Variants in HORMAD1 observed in about 807,000 individuals in gnomAD.
The protein encoded by HORMAD1 is HORMA domain containing 1.
A neutral mutation model predicts 58.2 loss-of-function variants in HORMAD1; 33 were observed. The ratio of observed to expected loss-of-function variants is 0.57; its 90% CI spans 0.43 to 0.76. The LOEUF (loss-of-function observed/expected upper bound fraction) is 0.76, where lower values mean the gene tolerates loss of function less well. Among genes scored for constraint, HORMAD1 ranks in the 30% least tolerant of loss-of-function variants. The pLI is 0.00. For synonymous variants in HORMAD1, 137 were observed against 144.6 expected, an observed-to-expected ratio of 0.95 and a Z score of 0.38; for missense variants, 363 against 462.0, an observed-to-expected ratio of 0.79 and a Z score of 1.96.
chr1:150,708,888 C>T lies in HORMAD1; in HGVS notation c.395+6G>A, dbSNP rs1173249739. ...GTAATACAAACAGAAAACTATAGAA[C>T]AATACCTTATGAAGTCCATGAGTGG... is the stretch of plus-strand genomic sequence containing the variant. On this transcript the variant is annotated splice_donor_region_variant and intron_variant, in intron 8 of 14. Coordinates refer to ENST00000361824, the MANE Select transcript of HORMAD1 (RefSeq NM_032132.5). The T allele has an allele frequency of 7.3e-7, 1 of 1,375,842 alleles. No homozygotes were observed. Among genetic ancestry groups the T allele is most frequent in the South Asian group, 1.2e-5 (1 of 85,948 alleles). The allele number at this position is 1,375,842 out of a possible 1,614,324, so 85.2% of individuals were successfully genotyped here.
At position 150,714,105 on chromosome 1, in the gene HORMAD1, C is replaced by T; in HGVS notation, c.259G>A (p.Asp87Asn). Reference sequence around the variant, plus strand: ...CTTACATATTTTTTCTGTAAAGCATCATAACATCCTAGCATCCTAAAAAAA... The same window carrying T: ...CTTACATATTTTTTCTGTAAAGCATTATAACATCCTAGCATCCTAAAAAAA... Reference protein sequence around the residue: ...QLVKWMLGCYDALQKKYLRMV... With the variant: ...QLVKWMLGCYNALQKKYLRMV... Residue 87 changes from aspartate (D) to asparagine (N), a missense_variant, in exon 5 of 15, where the codon GAT (aspartate) becomes AAT (asparagine). By Grantham distance (23) the Asp-to-Asn change is conservative. Transcript: ENST00000361824. 6.5e-7 allele frequency: 1 copy of T among 1,531,130 alleles called. No homozygotes were observed. Among genetic ancestry groups the T allele is most frequent in the Non-Finnish European group, 9.0e-7 (1 of 1,116,266 alleles). 94.8% of individuals were successfully genotyped at this position (1,531,130 alleles called of 1,614,324 possible).
chr1:150,716,240 G>A (rs985941487), intron 3 of HORMAD1, among the ~76,000 whole-genome samples: 1 of 127,406 alleles, frequency 7.8e-6, no homozygotes, highest in African/African-American at 3.1e-5. Context: ...TCGGCTCACT[G>A]CAACCTCCGC....
intron 5 of HORMAD1, among the ~76,000 whole-genome samples, 166 bp from the exon 6 acceptor site, chr1:150,712,019 T>C (rs1344327053): frequency 6.6e-6 from 1 of 152,224 alleles, no homozygotes; most frequent in African/African-American, 2.4e-5. Context: ...GTACCTTAGA[T>C]ATGCTTCCCT....
chr1:150,720,650 T>C (rs955774307), intron 1 of HORMAD1, among the ~76,000 whole-genome samples, 154 bp downstream of exon 1: 1 of 152,248 alleles, frequency 6.6e-6, no homozygotes, highest in Non-Finnish European at 1.5e-5. Flanking sequence ...CAAGAACCTC[T>C]GTTGACAAGT....
chr1:150,708,445 C>T, intron 8 of HORMAD1, 38 bp from the exon 9 acceptor site: 5 of 1,366,212 alleles, frequency 3.7e-6, no homozygotes, highest in Non-Finnish European at 5.0e-6. Flanking sequence ...TTTATAAAAC[C>T]TGTGGCTTCT....
intron 3 of HORMAD1, 46 bp downstream of exon 3, chr1:150,717,092 A>G: frequency 7.8e-7 from 1 of 1,289,788 alleles, no homozygotes; most frequent in Non-Finnish European, 1.1e-6. Flanking sequence ...AAGCAAAAAT[A>G]AAAATACCAT....
chr1:150,708,389 T>C lies in HORMAD1; in HGVS notation c.414A>G (p.Glu138=). ...MDFISKNQSN[E]SSMLSTDTKK... is the part of the protein sequence containing the mutation. ...TGGTGTCAGTAGACAACATGCTAGA[T>C]TCGTTGCTTTGGTTTTTACTAGAAG... Residue 138 remains glutamate (E), a synonymous_variant, in exon 9 of 15, where the codon GAA becomes GAG. Transcript: ENST00000361824. 2.5e-6 allele frequency: 4 copies of C among 1,599,940 alleles called. No individual in the cohort carries two copies. In the African/African-American group the frequency reaches 5.4e-5, roughly 22 times the overall value.
At chr1:150,715,744 T>A (rs587677286) in intron 3 of HORMAD1, among the ~76,000 whole-genome samples, 1 of 151,998 alleles carries the variant, frequency 6.6e-6, no homozygotes, top group Non-Finnish European at 1.5e-5. Context: ...TGTATTATTT[T>A]TACTTCCTTA....
At chr1:150,711,965 A>G in intron 5 of HORMAD1, 112 bp from the exon 6 acceptor site, 1 of 734,658 alleles carries the variant, frequency 1.4e-6, no homozygotes, top group South Asian at 1.7e-5. Context: ...ATAACAAATA[A>G]TCATTGCAGA....
chr1:150,708,334 T>A lies in HORMAD1; in HGVS notation c.469A>T (p.Ile157Phe). 1 of 1,611,896 alleles carries A rather than the reference T, an allele frequency of 6.2e-7. No homozygotes were observed. Among genetic ancestry groups the A allele is most frequent in the Non-Finnish European group, 8.5e-7 (1 of 1,178,784 alleles). Reference protein sequence around the residue: ...KKASILLIRKIYILMQNLGPL... With the variant: ...KKASILLIRKFYILMQNLGPL... ...CCCAGATTTTGCATTAGGATATAAATCTTGCGAATGAGGAGAATGCTTGCT... is the reference window on the plus strand; with the variant it reads ...CCCAGATTTTGCATTAGGATATAAAACTTGCGAATGAGGAGAATGCTTGCT... The change falls in exon 9 of 15, where the codon ATT (isoleucine) becomes TTT (phenylalanine). Residue 157 changes from isoleucine to phenylalanine, a missense_variant. This residue lies in a region of HORMAD1 where 9 missense variants were observed against 32.4 expected (regional missense o/e 0.28). Coordinates refer to ENST00000361824, the MANE Select transcript of HORMAD1 (RefSeq NM_032132.5).
chr1:150,705,865 G>GT (rs1651677061), intron 10 of HORMAD1, among the ~76,000 whole-genome samples: 2 of 152,150 alleles, frequency 1.3e-5, no homozygotes, highest in Non-Finnish European at 2.9e-5. Flanking sequence ...TCATAATTTA[G>GT]AATAAATTGA....
chr1:150,714,563 A>G (rs1002860338), intron 4 of HORMAD1, 52 bp downstream of exon 4: 138 of 1,025,646 alleles, frequency 1.3e-4, no homozygotes, highest in Non-Finnish European at 1.9e-4. Flanking sequence ...GTACAAAAAA[A>G]AGTAAAATGA....
chr1:150,708,708 T>C (rs760271778), intron 8 of HORMAD1, among the ~76,000 whole-genome samples, 186 bp downstream of exon 8: 1 of 152,256 alleles, frequency 6.6e-6, no homozygotes, highest in Non-Finnish European at 1.5e-5. Flanking sequence ...TAAAATTGCT[T>C]ATTATTAGCC....
intron 5 of HORMAD1, 45 bp downstream of exon 5, chr1:150,714,040 T>G (rs1463164085): frequency 1.7e-6 from 2 of 1,194,220 alleles, no homozygotes; most frequent in South Asian, 2.6e-5. Flanking sequence ...TATTTGTAGA[T>G]CATAAACTGT....
intron 5 of HORMAD1, among the ~76,000 whole-genome samples, chr1:150,712,913 T>C (rs911973449): frequency 7.9e-5 from 12 of 152,330 alleles, no homozygotes; most frequent in African/African-American, 2.2e-4. Flanking sequence ...GGCTTTTCTT[T>C]GCACCTAAAA....
intron 10 of HORMAD1, 79 bp from the exon 11 acceptor site, chr1:150,704,422 A>G: frequency 1.1e-6 from 1 of 925,276 alleles, no homozygotes; most frequent in South Asian, 1.6e-5. Context: ...ATTTATGAAC[A>G]AATTTGTTTC....
chr1:150,715,056 A>T (rs1652027653), intron 3 of HORMAD1, among the ~76,000 whole-genome samples: 1 of 152,164 alleles, frequency 6.6e-6, no homozygotes, highest in Non-Finnish European at 1.5e-5. Flanking sequence ...AAGTGCTGGG[A>T]TTACAGGCGT....
Position 150,714,079 on chromosome 1 carries a change from AC to A in HORMAD1, c.279+5del. On this transcript the variant is annotated splice_donor_5th_base_variant and intron_variant, in intron 5 of 14. Transcript: ENST00000361824. ...AAAAAAAGGATAAAGAGATTGCAAGACTTACATATTTTTTCTGTAAAGCATC... is the reference window on the plus strand; with the variant it reads ...AAAAAAAGGATAAAGAGATTGCAAGATTACATATTTTTTCTGTAAAGCATC... 6.6e-7 allele frequency: 1 copy of A among 1,509,820 alleles called. No homozygotes were observed. Among genetic ancestry groups the A allele is most frequent in the Non-Finnish European group, 9.1e-7 (1 of 1,096,388 alleles). 93.5% of individuals were successfully genotyped at this position (1,509,820 alleles called of 1,614,324 possible). A position where few individuals can be genotyped will look rare whatever the true frequency, so the allele number is the denominator to read the frequency against.
chr1:150,698,727 T>C lies in HORMAD1; in HGVS notation c.1112A>G (p.His371Arg), dbSNP rs765966892. Reference sequence around the variant, plus strand: ...CTCTTGACTAGAAGAATCAAAGTGATGGAGGACCTGTCAAAAGAAAACAAC... The same window carrying C: ...CTCTTGACTAGAAGAATCAAAGTGACGGAGGACCTGTCAAAAGAAAACAAC... ...SQHESGRIVL[H>R]HFDSSSQESV... The change falls in exon 15 of 15, where the codon CAT becomes CGT. Residue 371 changes from histidine (H) to arginine (R), a missense_variant. Physicochemically the swap from His to Arg is conservative, Grantham distance 29. Around this residue, in one of 3 missense-constraint regions of HORMAD1, gnomAD observed 226 missense variants for 257.8 expected, o/e 0.88. Transcript: ENST00000361824. 6.3e-7 allele frequency: 1 copy of C among 1,585,436 alleles called. No individual in the cohort carries two copies. Among genetic ancestry groups the C allele is most frequent in the Admixed American group, 1.7e-5 (1 of 58,814 alleles).
Sources: gnomAD v4.1 joint callset for allele counts (sites outside exome capture counted in the v4.1 genomes callset) on GRCh38, gnomAD v4.1.1 for gene constraint, gnomAD v4.1.1 regional missense constraint, MANE v1.5 for transcripts, NCBI Gene and HGNC (gene_info 2026-07-23, HGNC 2026-07-21) for gene names.